The following IQSEC1 variants were observed in gnomAD, a reference collection of about 807,000 sequenced individuals.
The protein encoded by IQSEC1 is IQ motif and SEC7 domain-containing protein 1.
A neutral mutation model predicts 91.0 loss-of-function variants in IQSEC1; 31 were observed. The observed-to-expected ratio is 0.34, with a 90% CI of 0.26 to 0.46. IQSEC1 has a LOEUF of 0.46. Among genes scored for constraint, IQSEC1 ranks in the 20% least tolerant of loss-of-function variants. The pLI, the probability that IQSEC1 is intolerant of heterozygous loss-of-function variation, is 1.00. For synonymous variants in IQSEC1, 699 were observed against 662.6 expected (o/e 1.05, Z -0.84); for missense variants, 1,388 against 1,575.6 (o/e 0.88, Z 2.02).
At chr3:13,275,709 C>T (rs2125151619) in intron 1 of IQSEC1, among the ~76,000 whole-genome samples, 1 of 152,356 alleles carries the variant, frequency 6.6e-6, no homozygotes, top group South Asian at 2.1e-4. Context: ...CCTGATCCCT[C>T]TGTAATCTTC....
rs1275253687 is a variant in IQSEC1, at chr3:12,967,689, G to A, written c.24-25824C>T. The A allele has an allele frequency of 8.7e-6, 10 of 1,153,850 alleles. No individual in the cohort carries two copies. Among genetic ancestry groups the A allele is most frequent in the East Asian group, 8.4e-5 (2 of 23,678 alleles). 71.5% of individuals were successfully genotyped at this position (1,153,850 alleles called of 1,614,324 possible). A position where few individuals can be genotyped will look rare whatever the true frequency, so the allele number is the denominator to read the frequency against. On this transcript the variant is annotated intron_variant, in intron 1 of 13. Transcript: ENST00000613206. The surrounding 1 kb of genome is among the most constrained non-coding windows in gnomAD (Gnocchi z 5.9). Reference sequence around the variant, plus strand: ...CCCGCCCCTCCGCCGCCGCCCGCTTGGCGCAGCGCGAGGCCGGGCCGGAGG... The same window carrying A: ...CCCGCCCCTCCGCCGCCGCCCGCTTAGCGCAGCGCGAGGCCGGGCCGGAGG...
chr3:13,246,582 G>A (rs1695111784), intron 1 of IQSEC1, among the ~76,000 whole-genome samples: 1 of 152,188 alleles, frequency 6.6e-6, no homozygotes, highest in South Asian at 2.1e-4. Flanking sequence ...AGGAAATATA[G>A]CTACGAAATA....
At position 12,922,269 on chromosome 3, in the gene IQSEC1, T is replaced by C. The variant is rs1256205364; in HGVS notation, c.1731-27A>G. The C allele has an allele frequency of 1.3e-6, 2 of 1,544,446 alleles. No homozygotes were observed. Among genetic ancestry groups the C allele is most frequent in the South Asian group, 1.2e-5 (1 of 85,382 alleles). ...TGGAATAGAGACAGACAGCCCCGCA[T>C]AAGCACCCCTTGCAGGTGCGACACG... On this transcript the variant is annotated intron_variant, in intron 4 of 13. Transcript: ENST00000613206. The surrounding 1 kb of genome is among the most constrained non-coding windows in gnomAD (Gnocchi z 5.1).
chr3:13,051,922 T>C (rs1704705927), intron 1 of IQSEC1, among the ~76,000 whole-genome samples: 1 of 152,178 alleles, frequency 6.6e-6, no homozygotes, highest in Admixed American at 6.5e-5. Flanking sequence ...AAACTGTTTA[T>C]TTTGAAATAA....
At chr3:13,053,608 GAC>G (rs1420976155) in intron 1 of IQSEC1, among the ~76,000 whole-genome samples, 1 of 152,184 alleles carries the variant, frequency 6.6e-6, no homozygotes, top group Non-Finnish European at 1.5e-5. Context: ...CAGCTGCCAT[GAC>G]TAGGCTCACC....
intron 1 of IQSEC1, among the ~76,000 whole-genome samples, chr3:13,196,732 G>C (rs184648167): frequency 1.4e-5 from 2 of 146,356 alleles, no homozygotes; most frequent in Non-Finnish European, 3.0e-5. Flanking sequence ...GCGTGCGTGT[G>C]TATGTACATG....
At chr3:13,204,114 C>T (rs1294563632) in intron 1 of IQSEC1, among the ~76,000 whole-genome samples, 1 of 152,236 alleles carries the variant, frequency 6.6e-6, no homozygotes, top group Non-Finnish European at 1.5e-5. Context: ...CTTCATGGGC[C>T]GCAGGGGTAA....
chr3:13,268,760 A>G (rs1695542243), intron 1 of IQSEC1, among the ~76,000 whole-genome samples: 1 of 152,126 alleles, frequency 6.6e-6, no homozygotes, highest in Admixed American at 6.5e-5. Flanking sequence ...CCATGTAACA[A>G]TCGTCGATTC....
chr3:13,278,492 C>T (rs1051357587), intron 1 of IQSEC1, among the ~76,000 whole-genome samples: 2 of 152,220 alleles, frequency 1.3e-5, no homozygotes, highest in South Asian at 2.1e-4. Context: ...TCTGGCCATT[C>T]GACAGCATGA....
At chr3:13,156,429 A>C (rs900349325) in intron 2 of IQSEC1, among the ~76,000 whole-genome samples, 1 of 152,220 alleles carries the variant, frequency 6.6e-6, no homozygotes, top group African/African-American at 2.4e-5. Context: ...ATTTGGGCTC[A>C]ACATAGTATT....
chr3:13,152,617 T>C (rs1707017816), intron 2 of IQSEC1, among the ~76,000 whole-genome samples: 2 of 152,212 alleles, frequency 1.3e-5, no homozygotes, highest in Admixed American at 1.3e-4. Context: ...ACGCCTATAA[T>C]CCCAGCACTT....
chr3:13,062,918 C>T (rs753739018), intron 1 of IQSEC1, among the ~76,000 whole-genome samples: 8 of 152,250 alleles, frequency 5.3e-5, no homozygotes, highest in Non-Finnish European at 1.0e-4. Flanking sequence ...TCAGGTCAGC[C>T]GCCTGCTGAG....
In IQSEC1 at chr3:12,920,488, G is replaced by A. The variant is rs1229781423; in HGVS notation, c.1962C>T (p.Ser654=). 14 of 1,614,100 alleles carry A rather than the reference G, an allele frequency of 8.7e-6. No individual in the cohort carries two copies. In the African/African-American group the frequency reaches 1.3e-4, roughly 15 times the overall value. The change falls in exon 6 of 14, where the codon AGC becomes AGT. Residue 654 remains serine (S), a synonymous_variant. Coordinates refer to ENST00000613206, the MANE Select transcript of IQSEC1 (RefSeq NM_001134382.3). The stretch of plus-strand genomic sequence containing the variant: ...TTTTCCGCTCGGGCTTGACATTGGG[G>A]CTGTACATGTCGGTGTTCAGCAGGA... ...AIILLNTDMY[S]PNVKPERKMK...
intron 1 of IQSEC1, among the ~76,000 whole-genome samples, chr3:13,261,143 C>T (rs1191145372): frequency 6.6e-6 from 1 of 152,202 alleles, no homozygotes; most frequent in Admixed American, 6.5e-5. Flanking sequence ...CTGGGGAGGC[C>T]GCCCAGGCGC....
intron 2 of IQSEC1, among the ~76,000 whole-genome samples, chr3:13,116,486 G>A (rs1490132002): frequency 6.6e-6 from 1 of 152,200 alleles, no homozygotes; most frequent in Non-Finnish European, 1.5e-5. Context: ...TCAGCAGGGT[G>A]CCAAGAACAT....
At chr3:12,906,620 G>A (rs932609710) in intron 12 of IQSEC1, among the ~76,000 whole-genome samples, 1 of 152,216 alleles carries the variant, frequency 6.6e-6, no homozygotes, top group South Asian at 2.1e-4. Flanking sequence ...ATTCCCAAAT[G>A]ACAACAGCAA....
At chr3:13,181,241 A>G (rs1693838606) in intron 1 of IQSEC1, among the ~76,000 whole-genome samples, 1 of 152,258 alleles carries the variant, frequency 6.6e-6, no homozygotes, top group South Asian at 2.1e-4. Flanking sequence ...ACTGCACTCC[A>G]GACTGGGCGA....
rs1705494495 is a variant in IQSEC1, at chr3:13,073,198, G to A, written c.-184C>T. Reference sequence around the variant, plus strand: ...GGCTGGGGCGGGAGCGGGGGGCGGCGCCAGCAGCGGGCTGTGGAGGGCCCT... The same window carrying A: ...GGCTGGGGCGGGAGCGGGGGGCGGCACCAGCAGCGGGCTGTGGAGGGCCCT... On this transcript the variant is annotated 5_prime_UTR_variant, in exon 1 of 14. Transcript: ENST00000613206. The A allele has an allele frequency of 2.9e-6, 2 of 685,412 alleles. No individual in the cohort carries two copies. The highest frequency in any genetic ancestry group is 1.7e-5 in the South Asian group (1 of 57,412). The allele number at this position is 685,412 out of a possible 1,614,324, so 42.5% of individuals were successfully genotyped here. A position where few individuals can be genotyped will look rare whatever the true frequency, so the allele number is the denominator to read the frequency against.
Position 12,940,339 on chromosome 3 carries a change from C to T in IQSEC1, c.318+1232G>A, listed in dbSNP as rs1698636146. On this transcript the variant is annotated intron_variant, in intron 2 of 13. Coordinates refer to ENST00000613206, the MANE Select transcript of IQSEC1 (RefSeq NM_001134382.3). The surrounding 1 kb of genome is among the most constrained non-coding windows in gnomAD (Gnocchi z 4.4). ...AAGTTGGGGCACACCAGGCCCAGAA[C>T]TCTACTCCTTAAAGGACAAAAAGGG... 6.6e-6 allele frequency among the ~76,000 whole-genome samples: 1 copy of T among 152,140 alleles called. No homozygotes were observed. Among genetic ancestry groups the T allele is most frequent in the Admixed American group, 6.5e-5 (1 of 15,280 alleles).
Sources: gnomAD v4.1 joint callset for allele counts (sites outside exome capture counted in the v4.1 genomes callset) on GRCh38, gnomAD v4.1.1 for gene constraint, Gnocchi (gnomAD v3.1) non-coding constraint, MANE v1.5 for transcripts, NCBI Gene and HGNC (gene_info 2026-07-23, HGNC 2026-07-21) for gene names.